Variants in NCOA7 observed in about 807,000 individuals in gnomAD.
NCOA7 encodes 140 kDa estrogen receptor-associated protein.
A neutral mutation model predicts 104.3 loss-of-function variants in NCOA7; 45 were observed. That is an observed-to-expected ratio of 0.43 (90% CI 0.34 to 0.55). NCOA7 has a LOEUF of 0.55. NCOA7 is among the 20% of genes least tolerant of loss of function. The pLI is 0.02. For synonymous variants in NCOA7, 398 were observed against 402.3 expected (o/e 0.99, Z 0.13); for missense variants, 1,041 against 1,119.7 (o/e 0.93, Z 1.00).
In NCOA7 at chr6:125,830,731, A is replaced by ATGTGTGTG. The variant is rs1361060849; in HGVS notation, c.50+15328_50+15329insGTGTGTGT. On this transcript the variant is annotated intron_variant, in intron 2 of 15. Coordinates refer to ENST00000392477, the MANE Select transcript of NCOA7 (RefSeq NM_181782.5). ...CTCTCTCTATATATTTTATATATATATATATATGTGTGTGTGTGTGTGTGT... is the reference window on the plus strand; with the variant it reads ...CTCTCTCTATATATTTTATATATATATGTGTGTGTATATATGTGTGTGTGTGTGTGTGT... Among the ~76,000 whole-genome samples the ATGTGTGTG allele has an allele frequency of 1.1e-4, 13 of 116,842 alleles. No homozygotes were observed. The East Asian group carries it at 2.7e-3, about 24-fold the overall frequency. The allele number at this position is 116,842 out of a possible 152,430, so 76.7% of individuals were successfully genotyped here. A position where few individuals can be genotyped will look rare whatever the true frequency, so the allele number is the denominator to read the frequency against.
At position 125,922,828 on chromosome 6, in the gene NCOA7, T is replaced by G. The variant is rs746053772; in HGVS notation, c.2517T>G (p.Asp839Glu). The change falls in exon 13 of 16, where the codon GAT becomes GAG. Residue 839 changes from aspartate to glutamate, a missense_variant. Asp to Glu is a conservative substitution (Grantham distance 45). Around this residue, in one of 2 missense-constraint regions of NCOA7, gnomAD observed 127 missense variants for 177.0 expected, o/e 0.72. Coordinates refer to ENST00000392477, the MANE Select transcript of NCOA7 (RefSeq NM_181782.5). The part of the protein sequence containing the change: ...SPVLLVIKDM[D>E]NQIFGAYATH... ...TCCTATTGGTCATCAAAGATATGGA[T>G]AATCAGGTGAGGCCTGTCCCTCTCA... 1.9e-6 allele frequency: 3 copies of G among 1,613,948 alleles called. No homozygotes were observed. In the African/African-American group the frequency reaches 4.0e-5, roughly 22 times the overall value.
intron 10 of NCOA7, among the ~76,000 whole-genome samples, chr6:125,898,778 A>T (rs1416902569): frequency 6.6e-6 from 1 of 152,142 alleles, no homozygotes; most frequent in Non-Finnish European, 1.5e-5. Context: ...ATATTCCTAA[A>T]CATTAGTTGG....
rs1315596094 is a variant in NCOA7, at chr6:125,930,723, G to C, written c.*1952G>C. ...AATGCTATAAAATTTTAAATCTGTA[G>C]CCTGGGTGTACGTTTCACTCAAGTT... On this transcript the variant is annotated 3_prime_UTR_variant, in exon 16 of 16. Coordinates refer to ENST00000392477, the MANE Select transcript of NCOA7 (RefSeq NM_181782.5). The C allele has an allele frequency of 1.3e-5, 2 of 152,152 alleles. No homozygotes were observed. Among genetic ancestry groups the C allele is most frequent in the African/African-American group, 4.8e-5 (2 of 41,406 alleles). 9.4% of individuals were successfully genotyped at this position (152,152 alleles called of 1,614,324 possible). A position where few individuals can be genotyped will look rare whatever the true frequency, so the allele number is the denominator to read the frequency against.
intron 10 of NCOA7, among the ~76,000 whole-genome samples, chr6:125,896,994 C>G (rs1375359247): frequency 6.6e-6 from 1 of 152,312 alleles, no homozygotes; most frequent in East Asian, 1.9e-4. Flanking sequence ...TAAATTGATT[C>G]TGTTTTAGAA....
chr6:125,815,143 G>A (rs879801999), intron 1 of NCOA7, 148 bp from the exon 2 acceptor site: 3 of 373,154 alleles, frequency 8.0e-6, no homozygotes, highest in East Asian at 8.2e-5. Flanking sequence ...ATGGACATTT[G>A]CATTTCATAT....
At chr6:125,842,262 C>CGG (rs1780240730) in intron 2 of NCOA7, among the ~76,000 whole-genome samples, 2 of 152,092 alleles carry the variant, frequency 1.3e-5, no homozygotes, top group African/African-American at 4.8e-5. Flanking sequence ...AAGTAGTTAA[C>CGG]GGGAAAGTCA....
At position 125,855,175 on chromosome 6, in the gene NCOA7, A is replaced by G. The variant is rs971881607; in HGVS notation, c.206A>G (p.Lys69Arg). ...GAGGAATATATGACTGATGAGAAAA[A>G]AAAGAGAAAAAGTAATCAGTTAAAG... is the stretch of plus-strand genomic sequence containing the variant. ...VEEEYMTDEK[K>R]KRKSNQLKEI... Residue 69 changes from lysine to arginine, a missense_variant, in exon 3 of 16, where the codon AAA (lysine) becomes AGA (arginine). Physicochemically the swap from Lys to Arg is conservative, Grantham distance 26. Around this residue, in one of 2 missense-constraint regions of NCOA7, gnomAD observed 914 missense variants for 942.7 expected, o/e 0.97. Coordinates refer to ENST00000392477, the MANE Select transcript of NCOA7 (RefSeq NM_181782.5). 3 of 1,613,234 alleles carry G rather than the reference A, an allele frequency of 1.9e-6. No homozygotes were observed. The highest frequency in any genetic ancestry group is 8.5e-7 in the Non-Finnish European group (1 of 1,179,938).
chr6:125,787,748 C>G (rs942691100), upstream of NCOA7, among the ~76,000 whole-genome samples: 1 of 152,158 alleles, frequency 6.6e-6, no homozygotes, highest in Non-Finnish European at 1.5e-5. Flanking sequence ...AAGTAACTTC[C>G]GCAGCCAAGA....
At chr6:125,914,389 A>G (rs1786863028) in intron 10 of NCOA7, among the ~76,000 whole-genome samples, 1 of 152,236 alleles carries the variant, frequency 6.6e-6, no homozygotes, top group Non-Finnish European at 1.5e-5. Flanking sequence ...CTTGTGGACA[A>G]GAACAGATAG....
intron 3 of NCOA7, among the ~76,000 whole-genome samples, chr6:125,858,213 A>G (rs147954128): frequency 0.01 from 1,538 of 152,244 alleles, 18 homozygotes; most frequent in African/African-American, 0.035. Flanking sequence ...TTAAGTGTGC[A>G]TTGAAAGGAA....
intron 13 of NCOA7, among the ~76,000 whole-genome samples, chr6:125,925,151 A>AT (rs1341929080): frequency 1.3e-5 from 2 of 152,006 alleles, no homozygotes; most frequent in South Asian, 2.1e-4. Flanking sequence ...TGGGTTAGAG[A>AT]TTTTTTTCCC....
At chr6:125,826,453 A>G (rs1426242740) in intron 2 of NCOA7, among the ~76,000 whole-genome samples, 1 of 152,024 alleles carries the variant, frequency 6.6e-6, no homozygotes, top group African/African-American at 2.4e-5. Flanking sequence ...TTTGTTTTTA[A>G]TGCATAGGAA....
chr6:125,902,481 G>GTTTTTTTTTTTTT (rs77836389), intron 10 of NCOA7, among the ~76,000 whole-genome samples: 1 of 144,208 alleles, frequency 6.9e-6, no homozygotes. Context: ...TCATAGCCAT[G>GTTTTTTTTTTTTT]TTTTTTTTTT....
chr6:125,834,771 C>T (rs1779476357), intron 2 of NCOA7, among the ~76,000 whole-genome samples: 1 of 152,166 alleles, frequency 6.6e-6, no homozygotes. Context: ...AATATACACT[C>T]TGATTAGCAG....
At chr6:125,885,050 G>A in intron 7 of NCOA7, 109 bp from the exon 8 acceptor site, 1 of 1,070,138 alleles carries the variant, frequency 9.3e-7, no homozygotes, top group South Asian at 1.5e-5. Context: ...ATAGGATACT[G>A]TGGTTCACAA....
intron 3 of NCOA7, among the ~76,000 whole-genome samples, chr6:125,860,458 A>G (rs1350027971): frequency 1.3e-5 from 2 of 151,772 alleles, no homozygotes; most frequent in African/African-American, 2.4e-5. Flanking sequence ...AGTGATTCTC[A>G]TGCCTCAGCT....
chr6:125,877,411 A>G (rs927497240), intron 4 of NCOA7, among the ~76,000 whole-genome samples: 9 of 152,302 alleles, frequency 5.9e-5, no homozygotes, highest in Middle Eastern at 3.4e-3. Flanking sequence ...AGGGCTATCA[A>G]TTGGAACTTC....
intron 10 of NCOA7, 135 bp downstream of exon 10, chr6:125,890,945 A>G (rs1029934823): frequency 1.1e-6 from 1 of 922,182 alleles, no homozygotes; most frequent in Non-Finnish European, 1.5e-6. Context: ...GAATTCTAGA[A>G]GGATATTATT....
intron 1 of NCOA7, among the ~76,000 whole-genome samples, chr6:125,782,813 C>T (rs916468741): frequency 1.3e-5 from 2 of 152,170 alleles, no homozygotes; most frequent in Non-Finnish European, 2.9e-5. Flanking sequence ...ATGTCACTGT[C>T]CTAATCCCCA....
Sources: allele counts gnomAD v4.1 joint callset (sites outside exome capture counted in the v4.1 genomes callset), GRCh38; gene constraint gnomAD v4.1.1; regional missense constraint gnomAD v4.1.1; transcripts MANE v1.5; gene names NCBI Gene and HGNC (gene_info 2026-07-23, HGNC 2026-07-21).